The following ARMH3 variants were observed in gnomAD, a reference collection of about 807,000 sequenced individuals.
ARMH3 encodes the protein armadillo-like helical domain-containing protein 3.
ARMH3 carries 60 observed loss-of-function variants against 99.1 expected under a neutral mutation model. The ratio of observed to expected loss-of-function variants is 0.61; its 90% CI spans 0.49 to 0.75. The LOEUF (loss-of-function observed/expected upper bound fraction) is 0.75. Among genes scored for constraint, ARMH3 ranks in the 30% least tolerant of loss-of-function variants. ARMH3 has a pLI of 0.00. For missense variants in ARMH3, 679 were observed against 843.1 expected, an observed-to-expected ratio of 0.81 and a Z score of 2.41; for synonymous variants, 285 against 292.8, an observed-to-expected ratio of 0.97 and a Z score of 0.27.
intron 24 of ARMH3, among the ~76,000 whole-genome samples, chr10:101,874,725 G>C (rs11191139): frequency 0.01 from 1,553 of 152,282 alleles, 28 homozygotes; most frequent in African/African-American, 0.031. Context: ...AAGAATGAGA[G>C]ATACTACATG....
chr10:102,006,503 A>C, intron 14 of ARMH3, 37 bp downstream of exon 14: 1 of 1,578,066 alleles, frequency 6.3e-7, no homozygotes. Flanking sequence ...ATCTAAGATC[A>C]TATTAACCAA....
At chr10:102,012,220 T>C (rs2066646358) in intron 10 of ARMH3, among the ~76,000 whole-genome samples, 2 of 152,202 alleles carry the variant, frequency 1.3e-5, no homozygotes, top group South Asian at 4.1e-4. Context: ...CAATTGTGTG[T>C]GAGAAAAGTC....
chr10:101,927,431 A>T (rs1275383174), intron 23 of ARMH3, among the ~76,000 whole-genome samples: 2 of 152,194 alleles, frequency 1.3e-5, no homozygotes, highest in East Asian at 3.8e-4. Flanking sequence ...GCAAACTGCC[A>T]ATCATCCATT....
intron 2 of ARMH3, among the ~76,000 whole-genome samples, chr10:102,038,919 T>C (rs2067344240): frequency 1.3e-5 from 2 of 152,028 alleles, no homozygotes; most frequent in Admixed American, 1.3e-4. Flanking sequence ...TTTGTATTTT[T>C]TTTGTAGAGA....
intron 23 of ARMH3, among the ~76,000 whole-genome samples, chr10:101,920,000 C>T (rs1295290693): frequency 2.6e-5 from 4 of 152,202 alleles, no homozygotes; most frequent in South Asian, 2.1e-4. Flanking sequence ...AGTACCATTA[C>T]TCCCAGCTAA....
At position 102,024,801 on chromosome 10, in the gene ARMH3, G is replaced by A. The variant is rs570471423; in HGVS notation, c.507+355C>T. On this transcript the variant is annotated intron_variant, in intron 6 of 25. Coordinates refer to ENST00000370033, the MANE Select transcript of ARMH3 (RefSeq NM_024541.3). The stretch of plus-strand genomic sequence containing the variant: ...GCCATTGCACTCCAGCCTGGGCGAC[G>A]GAGCAAGACTCTGTCTCAAAAAAAA... Among the ~76,000 whole-genome samples the A allele has an allele frequency of 6.3e-4, 95 of 150,664 alleles. 1 individual carries two copies. Among genetic ancestry groups the A allele is most frequent in the South Asian group, 2.1e-4 (1 of 4,760 alleles).
Position 102,029,687 on chromosome 10 carries a change from T to A in ARMH3, c.365A>T (p.Asp122Val). The A allele has an allele frequency of 6.2e-7, 1 of 1,614,170 alleles. No individual in the cohort carries two copies. The change falls in exon 5 of 26, where the codon GAC becomes GTC. Residue 122 changes from aspartate (D) to valine (V), a missense_variant. Physicochemically the swap from Asp to Val is radical, Grantham distance 152. Around this residue, in one of 3 missense-constraint regions of ARMH3, gnomAD observed 280 missense variants for 354.6 expected, o/e 0.79. Coordinates refer to ENST00000370033, the MANE Select transcript of ARMH3 (RefSeq NM_024541.3). Reference sequence around the variant, plus strand: ...AAAGCCCATCAGCATGTTGATAATGTCAAACCCAGAGGTAGACTTATTCTT... The same window carrying A: ...AAAGCCCATCAGCATGTTGATAATGACAAACCCAGAGGTAGACTTATTCTT... ...HQKNKSTSGF[D>V]IINMLMGFDK...
At chr10:101,913,348 T>TCG (rs2135557816) in intron 23 of ARMH3, 1 of 116,312 alleles carries the variant, frequency 8.6e-6, no homozygotes, top group East Asian at 3.7e-4. Flanking sequence ...ATTCTCTCTC[T>TCG]CTCTCTCTCT....
intron 23 of ARMH3, among the ~76,000 whole-genome samples, chr10:101,923,886 T>G (rs1843399332): frequency 6.6e-6 from 1 of 152,186 alleles, no homozygotes. Flanking sequence ...ACCCACAGAT[T>G]TCTTCACAAA....
intron 8 of ARMH3, among the ~76,000 whole-genome samples, chr10:102,016,534 G>T (rs1485088225): frequency 6.6e-6 from 1 of 152,142 alleles, no homozygotes; most frequent in Non-Finnish European, 1.5e-5. Context: ...AGGCAGTGTG[G>T]GGAGAAAAGG....
intron 24 of ARMH3, among the ~76,000 whole-genome samples, 181 bp from the exon 25 acceptor site, chr10:101,850,073 C>T (rs1035399069): frequency 6.7e-6 from 1 of 150,304 alleles, no homozygotes; most frequent in African/African-American, 2.4e-5. Context: ...GTTTCTGGGA[C>T]CACTTTCTCT....
At chr10:101,925,474 A>C (rs76228295) in intron 23 of ARMH3, among the ~76,000 whole-genome samples, 8,460 of 152,354 alleles carry the variant, frequency 0.056, 255 homozygotes, top group African/African-American at 0.059. Flanking sequence ...GTTCAGCAGT[A>C]GTACACATGT....
At chr10:101,896,964 T>C (rs1332713894) in intron 23 of ARMH3, among the ~76,000 whole-genome samples, 2 of 152,226 alleles carry the variant, frequency 1.3e-5, no homozygotes, top group African/African-American at 4.8e-5. Context: ...AAGTTCTGCA[T>C]GTGGCAAAGG....
At chr10:101,999,351 T>C (rs1349084313) in intron 15 of ARMH3, among the ~76,000 whole-genome samples, 1 of 152,052 alleles carries the variant, frequency 6.6e-6, no homozygotes, top group Non-Finnish European at 1.5e-5. Flanking sequence ...ACCACCATGC[T>C]TGGCTGATTT....
intron 24 of ARMH3, among the ~76,000 whole-genome samples, chr10:101,865,884 CAT>C (rs752673767): frequency 6.6e-6 from 1 of 152,110 alleles, no homozygotes; most frequent in African/African-American, 2.4e-5. Context: ...ATCATCTCCA[CAT>C]GAGTAGTTCC....
At chr10:101,985,124 T>C (rs935303252) in intron 19 of ARMH3, among the ~76,000 whole-genome samples, 8 of 149,742 alleles carry the variant, frequency 5.3e-5, no homozygotes, top group African/African-American at 1.7e-4. Context: ...TGTACATATA[T>C]ATACACACAT....
intron 22 of ARMH3, among the ~76,000 whole-genome samples, chr10:101,950,672 G>A (rs764251291): frequency 1.3e-5 from 2 of 152,198 alleles, no homozygotes; most frequent in African/African-American, 2.4e-5. Flanking sequence ...GCCTTGAAAA[G>A]ATTCAAAATA....
chr10:101,901,243 A>G lies in ARMH3; in HGVS notation c.1782-11753T>C, dbSNP rs1276734540. Among the ~76,000 whole-genome samples, 4 of 148,788 alleles carry G rather than the reference A, an allele frequency of 2.7e-5. No homozygotes were observed. In the Admixed American group the frequency reaches 2.7e-4, roughly 10 times the overall value. ...AGATAGCAGTGGTCCTGATGTTCACATACAGGAGAGATGAGAGGGTGGGCC... is the reference window on the plus strand; with the variant it reads ...AGATAGCAGTGGTCCTGATGTTCACGTACAGGAGAGATGAGAGGGTGGGCC... On this transcript the variant is annotated intron_variant, in intron 23 of 25. Coordinates refer to ENST00000370033, the MANE Select transcript of ARMH3 (RefSeq NM_024541.3).
chr10:101,986,675 G>A (rs1301847019), intron 19 of ARMH3, among the ~76,000 whole-genome samples: 1 of 152,090 alleles, frequency 6.6e-6, no homozygotes, highest in East Asian at 1.9e-4. Flanking sequence ...GCCGAAAAGG[G>A]GTACATAATG....
Sources: gnomAD v4.1 joint callset for allele counts (sites outside exome capture counted in the v4.1 genomes callset) on GRCh38, gnomAD v4.1.1 for gene constraint, gnomAD v4.1.1 regional missense constraint, MANE v1.5 for transcripts, NCBI Gene and HGNC (gene_info 2026-07-23, HGNC 2026-07-21) for gene names.